The following MTA3 variants were observed in gnomAD, a reference collection of about 807,000 sequenced individuals.
MTA3 encodes the protein metastasis-associated protein MTA3.
A neutral mutation model predicts 83.5 loss-of-function variants in MTA3; 34 were observed. The ratio of observed to expected loss-of-function variants is 0.41; its 90% CI spans 0.31 to 0.54. MTA3 has a LOEUF of 0.54. MTA3 is among the 20% of genes least tolerant of loss of function. The pLI is 0.33. For synonymous variants in MTA3, 303 were observed against 252.7 expected (o/e 1.20, Z -1.89); for missense variants, 761 against 726.4 (o/e 1.05, Z -0.55).
intron 2 of MTA3, among the ~76,000 whole-genome samples, chr2:42,538,467 G>C (rs1271733505): frequency 6.6e-6 from 1 of 151,902 alleles, no homozygotes; most frequent in Non-Finnish European, 1.5e-5. Context: ...CAGCACTTTG[G>C]GAGGCCAAGG....
exon 1 of MTA3, chr2:42,494,953 A>G (rs916575186): frequency 6.6e-6 from 1 of 152,360 alleles, no homozygotes; most frequent in South Asian, 2.1e-4. Flanking sequence ...GCTACCAGCA[A>G]TTCATTCACC....
intron 2 of MTA3, among the ~76,000 whole-genome samples, chr2:42,540,365 G>T (rs1419397860): frequency 1.3e-5 from 2 of 151,224 alleles, no homozygotes. Context: ...TGTAGAGATG[G>T]GGTCTTCTAT....
intron 2 of MTA3, among the ~76,000 whole-genome samples, chr2:42,510,312 A>G (rs769839354): frequency 5.8e-4 from 50 of 86,674 alleles, no homozygotes; most frequent in Non-Finnish European, 6.2e-4. Flanking sequence ...GGCGACTCAG[A>G]AAAAAAAAAA....
intron 8 of MTA3, among the ~76,000 whole-genome samples, chr2:42,660,878 A>C (rs1689630388): frequency 6.6e-6 from 1 of 152,164 alleles, no homozygotes; most frequent in Non-Finnish European, 1.5e-5. Flanking sequence ...GGGTCTTACT[A>C]TGTGATTGCC....
At chr2:42,656,992 G>A (rs1689228636) in intron 7 of MTA3, among the ~76,000 whole-genome samples, 1 of 152,148 alleles carries the variant, frequency 6.6e-6, no homozygotes, top group Non-Finnish European at 1.5e-5. Flanking sequence ...TGTGTATACA[G>A]AGTAATTATA....
intron 2 of MTA3, among the ~76,000 whole-genome samples, chr2:42,555,986 T>C (rs1462467902): frequency 6.6e-6 from 1 of 151,066 alleles, no homozygotes; most frequent in African/African-American, 2.4e-5. Context: ...GCAGGAGAAT[T>C]GCTAGAACCC....
At position 42,605,821 on chromosome 2, in the gene MTA3, G is replaced by A. The variant is rs1464952998; in HGVS notation, c.191-3637G>A. 7.5e-5 allele frequency among the ~76,000 whole-genome samples: 10 copies of A among 133,156 alleles called. 1 individual carries two copies. The highest frequency in any genetic ancestry group is 2.8e-4 in the Admixed American group (4 of 14,066). The allele number at this position is 133,156 out of a possible 152,430, so 87.4% of individuals were successfully genotyped here. The stretch of plus-strand genomic sequence containing the variant: ...AGGCGCCCCTCAGCTCCCAGACGGG[G>A]CGGCTGGCCGGGTGGAGGGCTGACC... On this transcript the variant is annotated intron_variant, in intron 3 of 16. Coordinates refer to ENST00000405094, the MANE Select transcript of MTA3 (RefSeq NM_001330442.2).
chr2:42,733,043 T>G (rs1246483734), intron 16 of MTA3, among the ~76,000 whole-genome samples: 1 of 152,206 alleles, frequency 6.6e-6, no homozygotes, highest in Admixed American at 6.5e-5. Flanking sequence ...CTCTCCAAAC[T>G]GTTCCAACCT....
intron 6 of MTA3, among the ~76,000 whole-genome samples, chr2:42,647,512 C>T (rs1688325429): frequency 6.6e-6 from 1 of 151,688 alleles, no homozygotes; most frequent in Non-Finnish European, 1.5e-5. Context: ...CAGGTGTGTG[C>T]CATCCCCCCA....
chr2:42,543,181 T>C (rs1372619166), intron 2 of MTA3, among the ~76,000 whole-genome samples: 2 of 151,852 alleles, frequency 1.3e-5, no homozygotes, highest in African/African-American at 2.4e-5. Context: ...TCTTAAACAA[T>C]TTTTTTTGTT....
At chr2:42,673,080 C>T (rs1690982887) in intron 8 of MTA3, among the ~76,000 whole-genome samples, 1 of 151,878 alleles carries the variant, frequency 6.6e-6, no homozygotes, top group African/African-American at 2.4e-5. Flanking sequence ...CTCCTGACCT[C>T]AAGTGATCCA....
chr2:42,549,325 A>ATATACG (rs1391073673), intron 2 of MTA3, among the ~76,000 whole-genome samples: 1 of 127,130 alleles, frequency 7.9e-6, no homozygotes, highest in African/African-American at 3.0e-5. Flanking sequence ...ATAATATATT[A>ATATACG]TATACGTATA....
intron 2 of MTA3, among the ~76,000 whole-genome samples, chr2:42,573,551 C>G (rs562413560): frequency 6.6e-6 from 1 of 152,290 alleles, no homozygotes; most frequent in East Asian, 1.9e-4. Context: ...TGCTCTGTTG[C>G]CCAGGCTGGA....
At chr2:42,711,628 T>G (rs949098171) in intron 14 of MTA3, among the ~76,000 whole-genome samples, 16 of 152,200 alleles carry the variant, frequency 1.1e-4, no homozygotes, top group South Asian at 4.1e-4. Context: ...TCTAATTGAT[T>G]ATGCTATCAT....
At chr2:42,529,168 T>G (rs1256999605) in intron 2 of MTA3, among the ~76,000 whole-genome samples, 1 of 152,142 alleles carries the variant, frequency 6.6e-6, no homozygotes, top group Non-Finnish European at 1.5e-5. Flanking sequence ...ACAATATGGC[T>G]TGCAAAATCT....
chr2:42,747,728 G>C (rs1327057711), intron 16 of MTA3, among the ~76,000 whole-genome samples: 2 of 151,968 alleles, frequency 1.3e-5, no homozygotes, highest in Admixed American at 1.3e-4. Flanking sequence ...AACTCCCACA[G>C]AGCTTGTTTA....
rs1257914814 is a variant in MTA3 at position 42,519,019 on chromosome 2, ACACACACACACG to A, written c.-141+23766_-141+23777del. Among the ~76,000 whole-genome samples, 313 of 130,132 alleles carry A rather than the reference ACACACACACACG, an allele frequency of 2.4e-3. 1 individual carries two copies. Among genetic ancestry groups the A allele is most frequent in the Non-Finnish European group, 3.4e-3 (202 of 59,904 alleles). The allele number at this position is 130,132 out of a possible 152,430, so 85.4% of individuals were successfully genotyped here. ...CACACACACACACACACACACACACACACACACACACGAATATAGTATGGAAAGGTGGGGGAA... is the reference window on the plus strand; with the variant it reads ...CACACACACACACACACACACACACAAATATAGTATGGAAAGGTGGGGGAA... On this transcript the variant is annotated intron_variant, in intron 2 of 17. Coordinates refer to the MTA3 transcript ENST00000405592.
intron 6 of MTA3, among the ~76,000 whole-genome samples, chr2:42,654,036 GTGTCT>G (rs1688943068): frequency 6.6e-6 from 1 of 152,222 alleles, no homozygotes. Context: ...CTAATGTTGA[GTGTCT>G]TGTCTTGGCA....
intron 9 of MTA3, among the ~76,000 whole-genome samples, chr2:42,694,428 A>G (rs1300834326): frequency 1.3e-5 from 2 of 152,170 alleles, no homozygotes; most frequent in Non-Finnish European, 2.9e-5. Flanking sequence ...GAGAAACTCA[A>G]GTTCCAACCG....
Sources: allele counts gnomAD v4.1 joint callset (sites outside exome capture counted in the v4.1 genomes callset), GRCh38; gene constraint gnomAD v4.1.1; transcripts MANE v1.5; gene names NCBI Gene and HGNC (gene_info 2026-07-23, HGNC 2026-07-21).